The following ADAMTS17 variants were observed in gnomAD, a reference collection of about 807,000 sequenced individuals.
ADAMTS17 encodes the protein ADAM metallopeptidase with thrombospondin type 1 motif 17.
Under a neutral mutation model 141.5 loss-of-function variants are expected in ADAMTS17, and 113 were observed. The observed-to-expected ratio is 0.80, with a 90% CI of 0.69 to 0.93. ADAMTS17 has a LOEUF of 0.93. ADAMTS17 is among the 40% of genes least tolerant of loss of function. The pLI, the probability that ADAMTS17 is intolerant of heterozygous loss-of-function variation, is 0.00. For synonymous variants in ADAMTS17, 768 were observed against 630.6 expected, an observed-to-expected ratio of 1.22 and a Z score of -3.27; for missense variants, 1,659 against 1,517.9, an observed-to-expected ratio of 1.09 and a Z score of -1.54.
At chr15:100,227,129 C>T (rs559170164) in intron 7 of ADAMTS17, among the ~76,000 whole-genome samples, 63 of 152,278 alleles carry the variant, frequency 4.1e-4, no homozygotes, top group South Asian at 1.7e-3. Context: ...TGATGAACCC[C>T]GAGTGCCCCC....
intron 9 of ADAMTS17, among the ~76,000 whole-genome samples, chr15:100,153,860 C>G (rs930064347): frequency 2.0e-5 from 3 of 152,110 alleles, no homozygotes; most frequent in Non-Finnish European, 2.9e-5. Flanking sequence ...TACTTGTCAC[C>G]AGTGCTGTGT....
intron 14 of ADAMTS17, among the ~76,000 whole-genome samples, chr15:100,104,091 G>A (rs1320079088): frequency 6.6e-6 from 1 of 152,206 alleles, no homozygotes; most frequent in Non-Finnish European, 1.5e-5. Flanking sequence ...AAACCAGTAA[G>A]GCAAGCATAG....
At chr15:100,197,691 G>A (rs778459415) in intron 8 of ADAMTS17, among the ~76,000 whole-genome samples, 2 of 152,058 alleles carry the variant, frequency 1.3e-5, no homozygotes, top group Non-Finnish European at 2.9e-5. Flanking sequence ...CCCTACCCCA[G>A]GAATTGCACA....
intron 15 of ADAMTS17, among the ~76,000 whole-genome samples, chr15:100,057,069 G>C (rs368356648): frequency 5.9e-5 from 9 of 152,214 alleles, no homozygotes; most frequent in Admixed American, 3.9e-4. Flanking sequence ...CAGTGTGTGA[G>C]GCAGGACGGT....
intron 3 of ADAMTS17, among the ~76,000 whole-genome samples, chr15:100,299,077 G>A (rs775946850): frequency 6.6e-6 from 1 of 152,044 alleles, no homozygotes; most frequent in Non-Finnish European, 1.5e-5. Context: ...TATCAGATTA[G>A]GGGACCCACC....
intron 20 of ADAMTS17, among the ~76,000 whole-genome samples, chr15:99,976,782 C>A (rs935457258): frequency 2.6e-5 from 4 of 152,178 alleles, no homozygotes; most frequent in Non-Finnish European, 2.9e-5. Context: ...GATCCTCCAC[C>A]TCCAGAACTG....
intron 18 of ADAMTS17, among the ~76,000 whole-genome samples, chr15:100,020,618 G>A (rs975969173): frequency 1.3e-5 from 2 of 152,152 alleles, no homozygotes; most frequent in Non-Finnish European, 2.9e-5. Flanking sequence ...TTGAGTTCCT[G>A]GTGCCTCTCA....
At chr15:100,075,615 A>C (rs902360720) in intron 15 of ADAMTS17, among the ~76,000 whole-genome samples, 4 of 152,176 alleles carry the variant, frequency 2.6e-5, no homozygotes, top group Admixed American at 2.6e-4. Context: ...TTAATGTCTA[A>C]TAACTATTAG....
chr15:100,072,535 C>CT (rs2034053209), intron 15 of ADAMTS17, among the ~76,000 whole-genome samples: 1 of 152,058 alleles, frequency 6.6e-6, no homozygotes, highest in Admixed American at 6.6e-5. Context: ...ACCAAAACAG[C>CT]ATGGTACTGG....
intron 15 of ADAMTS17, among the ~76,000 whole-genome samples, chr15:100,079,458 A>G (rs2034589717): frequency 6.6e-6 from 1 of 152,244 alleles, no homozygotes; most frequent in Admixed American, 6.5e-5. Flanking sequence ...ACCACGTATT[A>G]TACTACTCCA....
In ADAMTS17 at chr15:100,109,022, G is replaced by A. The variant is rs764532883; in HGVS notation, c.1983C>T (p.Tyr661=). Residue 661 remains tyrosine (Y), a synonymous_variant, in exon 14 of 22, where the codon TAC becomes TAT. Transcript: ENST00000268070. ...RVLDGTPCGP[Y]ETDLCVHGKC... is the part of the protein sequence containing the mutation. ...TGCCGTGCACGCAGAGATCAGTCTC[G>A]TAGGGCCCGCAGGGTGTACCGTCCA... 27 of 1,613,970 alleles carry A rather than the reference G, an allele frequency of 1.7e-5. No homozygotes were observed. In the South Asian group the frequency reaches 1.8e-4, roughly 11 times the overall value.
chr15:100,049,073 T>G, intron 17 of ADAMTS17, 81 bp from the exon 18 acceptor site: 1 of 1,605,088 alleles, frequency 6.2e-7, no homozygotes, highest in South Asian at 1.1e-5. Context: ...CATGAAAGCA[T>G]GTTTGGGTGC....
intron 7 of ADAMTS17, among the ~76,000 whole-genome samples, chr15:100,229,284 C>T (rs1048755285): frequency 8.6e-5 from 13 of 151,898 alleles, no homozygotes; most frequent in African/African-American, 1.9e-4. Flanking sequence ...TCTCCCCACC[C>T]CCTCCCCACA....
At chr15:100,339,100 T>C in intron 2 of ADAMTS17, 1 of 985,458 alleles carries the variant, frequency 1.0e-6, no homozygotes, top group Non-Finnish European at 1.2e-6. Flanking sequence ...AGCTGAAGTC[T>C]TAGAGGTACA....
intron 12 of ADAMTS17, among the ~76,000 whole-genome samples, chr15:100,118,607 G>C (rs75810520): frequency 0.023 from 3,547 of 152,260 alleles, 126 homozygotes; most frequent in African/African-American, 0.081. Context: ...AGAAATGACT[G>C]CATGGTGTGT....
chr15:100,315,035 C>T (rs375136233), intron 3 of ADAMTS17, among the ~76,000 whole-genome samples: 39 of 152,316 alleles, frequency 2.6e-4, no homozygotes, highest in Middle Eastern at 3.4e-3. Flanking sequence ...GGGCAAACCC[C>T]GCCGGCTCTG....
chr15:100,090,394 G>A (rs189127192), intron 15 of ADAMTS17, among the ~76,000 whole-genome samples: 2 of 152,182 alleles, frequency 1.3e-5, no homozygotes, highest in African/African-American at 4.8e-5. Flanking sequence ...TTGGCATTGG[G>A]ATCACCGATC....
At chr15:100,293,399 G>T (rs2044709698) in intron 3 of ADAMTS17, among the ~76,000 whole-genome samples, 1 of 152,210 alleles carries the variant, frequency 6.6e-6, no homozygotes, top group Non-Finnish European at 1.5e-5. Flanking sequence ...AGAGTCTGTG[G>T]TCCCCAGGGC....
intron 7 of ADAMTS17, among the ~76,000 whole-genome samples, chr15:100,227,247 C>T (rs1281088224): frequency 6.6e-6 from 1 of 152,190 alleles, no homozygotes; most frequent in Non-Finnish European, 1.5e-5. Flanking sequence ...TCAGGCCCAG[C>T]TCCAAATCAA....
Sources: gnomAD v4.1 joint callset for allele counts (sites outside exome capture counted in the v4.1 genomes callset) on GRCh38, gnomAD v4.1.1 for gene constraint, MANE v1.5 for transcripts, NCBI Gene and HGNC (gene_info 2026-07-23, HGNC 2026-07-21) for gene names.